Variants in EPB41L4A observed in about 807,000 individuals in gnomAD.
EPB41L4A encodes band 4.1-like protein 4A.
EPB41L4A carries 100 observed loss-of-function variants against 108.6 expected under a neutral mutation model. That is an observed-to-expected ratio of 0.92 (90% CI 0.78 to 1.09). The LOEUF (loss-of-function observed/expected upper bound fraction) is 1.09, where lower values mean the gene tolerates loss of function less well. Among genes scored for constraint, EPB41L4A ranks in the 50% least tolerant of loss-of-function variants. EPB41L4A has a pLI of 0.00. For synonymous variants in EPB41L4A, 319 were observed against 289.0 expected (o/e 1.10, Z -1.05); for missense variants, 1,030 against 842.7 (o/e 1.22, Z -2.75).
At chr5:112,175,809 T>G (rs768945197) in intron 18 of EPB41L4A, among the ~76,000 whole-genome samples, 7 of 152,138 alleles carry the variant, frequency 4.6e-5, no homozygotes, top group Non-Finnish European at 1.0e-4. Flanking sequence ...TTTCCACTTT[T>G]TCTAAGGGAT....
At chr5:112,413,580 G>C (rs919006474) in intron 1 of EPB41L4A, among the ~76,000 whole-genome samples, 3 of 152,192 alleles carry the variant, frequency 2.0e-5, no homozygotes, top group Admixed American at 6.5e-5. Context: ...GATGTGTCCA[G>C]AAATAATGCA....
intron 2 of EPB41L4A, among the ~76,000 whole-genome samples, chr5:112,300,471 G>C (rs1754279165): frequency 6.6e-6 from 1 of 152,168 alleles, no homozygotes; most frequent in African/African-American, 2.4e-5. Context: ...GCTGCAGATA[G>C]GGACCCAATC....
chr5:112,402,363 A>G (rs1308908666), intron 1 of EPB41L4A, among the ~76,000 whole-genome samples: 1 of 151,918 alleles, frequency 6.6e-6, no homozygotes, highest in Non-Finnish European at 1.5e-5. Context: ...TCCAGTCAGC[A>G]ATGCAAGAAC....
intron 2 of EPB41L4A, among the ~76,000 whole-genome samples, chr5:112,291,325 T>C (rs192640640): frequency 3.9e-5 from 6 of 152,292 alleles, no homozygotes; most frequent in Admixed American, 3.9e-4. Context: ...AAGGCCCCCA[T>C]GCCAGCTGTT....
In EPB41L4A at chr5:112,234,658, G is replaced by A. The variant is rs759115856; in HGVS notation, c.1063C>T (p.Arg355Ter). The A allele has an allele frequency of 2.1e-5, 34 of 1,613,246 alleles. No homozygotes were observed. The highest frequency in any genetic ancestry group is 2.7e-5 in the Non-Finnish European group (32 of 1,179,526). ...CCAGCTGGCTGTGTTTGTGCTATTC[G>A]CTTAGGGTAAGTCTTGCTTCGACTT... ...TRSRSKTYPK[R>*]IAQTQPAESN... Residue 355 changes from arginine to a stop codon, truncating the protein, a stop_gained, in exon 12 of 23, where the codon CGA becomes TGA. Coordinates refer to ENST00000261486, the MANE Select transcript of EPB41L4A (RefSeq NM_022140.5). LOFTEE classifies it high-confidence loss of function.
chr5:112,206,834 G>C (rs1762496062), intron 13 of EPB41L4A: 1 of 152,124 alleles, frequency 6.6e-6, no homozygotes, highest in Non-Finnish European at 1.5e-5. Context: ...GTTGCAAAGG[G>C]GATTGAAAAA....
At chr5:112,368,193 T>A (rs1759258646) in intron 1 of EPB41L4A, among the ~76,000 whole-genome samples, 1 of 152,240 alleles carries the variant, frequency 6.6e-6, no homozygotes, top group Non-Finnish European at 1.5e-5. Context: ...GAAGTAACAC[T>A]TGAAAACAGA....
rs182063374 is a variant in EPB41L4A, at chr5:112,167,013, A to G, written c.1932+1726T>C. Among the ~76,000 whole-genome samples, 469 of 151,830 alleles carry G rather than the reference A, an allele frequency of 3.1e-3. 8 individuals are homozygous for G. Among genetic ancestry groups the G allele is most frequent in the Non-Finnish European group, 2.8e-3 (187 of 67,990 alleles). Reference sequence around the variant, plus strand: ...TCAGAAGATGCATGTGAGTTCTTGTATCCCGCAAAGTGAAAGCTATTCTTC... The same window carrying G: ...TCAGAAGATGCATGTGAGTTCTTGTGTCCCGCAAAGTGAAAGCTATTCTTC... On this transcript the variant is annotated intron_variant, in intron 22 of 22. Coordinates refer to ENST00000261486, the MANE Select transcript of EPB41L4A (RefSeq NM_022140.5).
chr5:112,319,930 A>G (rs1208770509), intron 1 of EPB41L4A, among the ~76,000 whole-genome samples: 1 of 152,164 alleles, frequency 6.6e-6, no homozygotes, highest in African/African-American at 2.4e-5. Flanking sequence ...CGTGTTTTCA[A>G]TTTACTCACA....
At chr5:112,143,930 T>C (rs543731551) in intron 13 of EPB41L4A, 60 of 448,230 alleles carry the variant, frequency 1.3e-4, no homozygotes, top group Admixed American at 2.9e-4. Flanking sequence ...CCAAAGACAA[T>C]ACTACCAGAA....
exon 14 of EPB41L4A, chr5:112,143,131 C>T (rs769150276): frequency 2.0e-5 from 3 of 152,164 alleles, no homozygotes; most frequent in Non-Finnish European, 4.4e-5. Context: ...ACCGCAGACT[C>T]GTTAGCAAGC....
chr5:112,158,505 C>A, downstream of EPB41L4A: 1 of 320,782 alleles, frequency 3.1e-6, no homozygotes, highest in East Asian at 9.3e-5. Context: ...TGCCCCAGTC[C>A]AAGAAAATTT....
chr5:112,165,952 T>A (rs79966042), intron 22 of EPB41L4A, among the ~76,000 whole-genome samples: 6,908 of 152,292 alleles, frequency 0.045, 185 homozygotes, highest in Middle Eastern at 0.065. Flanking sequence ...ATGGGAAGCA[T>A]GAACCCATCT....
intron 1 of EPB41L4A, among the ~76,000 whole-genome samples, chr5:112,385,451 T>C (rs940437176): frequency 7.1e-6 from 1 of 141,522 alleles, no homozygotes; most frequent in Non-Finnish European, 1.5e-5. Flanking sequence ...GAAAAGCCAA[T>C]CCAGAGTCCT....
Position 112,374,144 on chromosome 5 carries a change from G to C in EPB41L4A, c.99+44797C>G, listed in dbSNP as rs141764695. On this transcript the variant is annotated intron_variant, in intron 1 of 22. Transcript: ENST00000261486. The stretch of plus-strand genomic sequence containing the variant: ...AAATAGCATTCTTCAAATGTCAGAG[G>C]CATCCCCATGGAATAACTCAGGTCC... Among the ~76,000 whole-genome samples, 663 of 152,254 alleles carry C rather than the reference G, an allele frequency of 4.4e-3. 8 individuals carry two copies. The highest frequency in any genetic ancestry group is 0.021 in the South Asian group (101 of 4,814).
intron 1 of EPB41L4A, among the ~76,000 whole-genome samples, chr5:112,325,578 C>T (rs1756098997): frequency 6.6e-6 from 1 of 152,086 alleles, no homozygotes; most frequent in Admixed American, 6.5e-5. Flanking sequence ...TTATGCATCT[C>T]TGTATTATTT....
At chr5:112,386,734 C>T (rs1760559342) in intron 1 of EPB41L4A, among the ~76,000 whole-genome samples, 1 of 152,080 alleles carries the variant, frequency 6.6e-6, no homozygotes. Flanking sequence ...GTTACAGATT[C>T]AGTCATTTTG....
At chr5:112,275,086 A>C (rs567853070) in intron 4 of EPB41L4A, among the ~76,000 whole-genome samples, 2 of 152,316 alleles carry the variant, frequency 1.3e-5, no homozygotes, top group Admixed American at 1.3e-4. Flanking sequence ...ATATTTCATC[A>C]CAGCAGATGC....
chr5:112,339,502 A>ATCTATATATCTATATATC (rs1457857162), intron 1 of EPB41L4A, among the ~76,000 whole-genome samples: 3 of 102,494 alleles, frequency 2.9e-5, no homozygotes, highest in African/African-American at 1.6e-4. Flanking sequence ...ATATCTATAT[A>ATCTATATATCTATATATC]TATATATAGA....
Sources: allele counts gnomAD v4.1 joint callset (sites outside exome capture counted in the v4.1 genomes callset), GRCh38; gene constraint gnomAD v4.1.1; transcripts MANE v1.5; gene names NCBI Gene and HGNC (gene_info 2026-07-23, HGNC 2026-07-21).